Variants in FAM168B observed in about 807,000 individuals in gnomAD.
FAM168B encodes family with sequence similarity 168 member B.
FAM168B carries 19 observed loss-of-function variants against 21.8 expected under a neutral mutation model. That is an observed-to-expected ratio of 0.87 (90% CI 0.61 to 1.28). The LOEUF is 1.28. FAM168B is among the 50% of genes most tolerant of loss of function. The pLI is 0.00. For missense variants in FAM168B, 233 were observed against 263.1 expected, an observed-to-expected ratio of 0.89 and a Z score of 0.79; for synonymous variants, 126 against 104.8, an observed-to-expected ratio of 1.20 and a Z score of -1.24.
chr2:131,081,422 GAGTA>G (rs780234347), intron 2 of FAM168B, among the ~76,000 whole-genome samples: 3 of 152,164 alleles, frequency 2.0e-5, no homozygotes, highest in Non-Finnish European at 2.9e-5. Flanking sequence ...GGAGCCCCAG[GAGTA>G]ACCAAGCCTG....
At position 131,050,385 on chromosome 2, in the gene FAM168B, C is replaced by G; in HGVS notation, c.*2080G>C. The G allele has an allele frequency of 1.6e-5, 16 of 985,764 alleles. No individual in the cohort carries two copies. Among genetic ancestry groups the G allele is most frequent in the Non-Finnish European group, 1.9e-5 (16 of 829,936 alleles). The allele number at this position is 985,764 out of a possible 1,614,324, so 61.1% of individuals were successfully genotyped here. ...CTCTGCTACTTGGTCAGCTGAACCC[C>G]TGGAACCGTTAGAACCTACTAATCC... On this transcript the variant is annotated 3_prime_UTR_variant, in exon 7 of 7. Transcript: ENST00000389915.
chr2:131,071,028 TGGTCATATAG>T (rs1692845501), intron 3 of FAM168B, among the ~76,000 whole-genome samples: 1 of 151,900 alleles, frequency 6.6e-6, no homozygotes, highest in Non-Finnish European at 1.5e-5. Context: ...TGAACAAGGG[TGGTCATATAG>T]GGTCATAGTG....
intron 3 of FAM168B, among the ~76,000 whole-genome samples, chr2:131,056,800 T>A (rs1692045340): frequency 6.6e-6 from 1 of 152,074 alleles, no homozygotes; most frequent in South Asian, 2.1e-4. Flanking sequence ...AGCCACACCA[T>A]GTCAAAGGAG....
At position 131,062,636 on chromosome 2, in the gene FAM168B, C is replaced by A. The variant is rs116644208; in HGVS notation, c.155-6941G>T. Among the ~76,000 whole-genome samples, 1,341 of 152,214 alleles carry A rather than the reference C, an allele frequency of 8.8e-3. 17 individuals carry two copies. The highest frequency in any genetic ancestry group is 0.03 in the African/African-American group (1,263 of 41,506). On this transcript the variant is annotated intron_variant, in intron 3 of 6. Transcript: ENST00000389915. ...CTAATTTTTGTATTTTTAGTAGAGA[C>A]TGGATTCACCTATGTTGGCCAGGCT...
At chr2:131,068,650 A>C (rs575920812) in intron 3 of FAM168B, among the ~76,000 whole-genome samples, 53 of 152,210 alleles carry the variant, frequency 3.5e-4, no homozygotes, top group Non-Finnish European at 1.5e-4. Flanking sequence ...TTACAGGAAC[A>C]ATTTGAGAGC....
In FAM168B at chr2:131,048,596, C is replaced by A. The variant is rs975011468; in HGVS notation, c.*3869G>T. 1 of 1,094,486 alleles carries A rather than the reference C, an allele frequency of 9.1e-7. No individual in the cohort carries two copies. The highest frequency in any genetic ancestry group is 1.1e-6 in the Non-Finnish European group (1 of 891,078). The allele number at this position is 1,094,486 out of a possible 1,614,324, so 67.8% of individuals were successfully genotyped here. A position where few individuals can be genotyped will look rare whatever the true frequency, so the allele number is the denominator to read the frequency against. ...CCAAATAGGCCACATACCCCAACTT[C>A]TGTGTTACTTGGTCAGTTGAGCCCC... is the stretch of plus-strand genomic sequence containing the variant. On this transcript the variant is annotated 3_prime_UTR_variant, in exon 7 of 7. Transcript: ENST00000389915.
At chr2:131,059,114 CAG>C (rs1399636021) in intron 3 of FAM168B, among the ~76,000 whole-genome samples, 5 of 152,166 alleles carry the variant, frequency 3.3e-5, no homozygotes, top group African/African-American at 1.2e-4. Flanking sequence ...TGTACCAACA[CAG>C]AGAGGCTATT....
intron 3 of FAM168B, among the ~76,000 whole-genome samples, chr2:131,059,799 T>G (rs1692203181): frequency 6.6e-6 from 1 of 152,162 alleles, no homozygotes; most frequent in Admixed American, 6.5e-5. Context: ...TAAAAAAAAT[T>G]TTTAGGTGTG....
Position 131,055,783 on chromosome 2 carries a change from G to A in FAM168B, c.155-88C>T, listed in dbSNP as rs745406375. ...CAGGCAGGGAGGAGCTAAGCTGCGT[G>A]TCAGCCCCACGCAACTCGCCAGACC... On this transcript the variant is annotated intron_variant, in intron 3 of 6. Coordinates refer to ENST00000389915, the MANE Select transcript of FAM168B (RefSeq NM_001009993.4). 5.3e-6 allele frequency: 8 copies of A among 1,507,974 alleles called. No homozygotes were observed. In the Admixed American group the frequency reaches 6.2e-5, roughly 12 times the overall value. The allele number at this position is 1,507,974 out of a possible 1,614,324, so 93.4% of individuals were successfully genotyped here.
intron 1 of FAM168B, among the ~76,000 whole-genome samples, chr2:131,088,681 A>C (rs796279530): frequency 1.8e-4 from 27 of 152,336 alleles, no homozygotes; most frequent in African/African-American, 6.5e-4. Flanking sequence ...AAAATGATAC[A>C]TCTATACTTT....
At chr2:131,066,967 G>A (rs1355972450) in intron 3 of FAM168B, among the ~76,000 whole-genome samples, 3 of 152,190 alleles carry the variant, frequency 2.0e-5, no homozygotes, top group East Asian at 1.9e-4. Context: ...CAATCATGGT[G>A]GAAGGCAAAG....
intron 1 of FAM168B, among the ~76,000 whole-genome samples, chr2:131,089,053 G>A (rs1693869310): frequency 6.6e-6 from 1 of 150,376 alleles, no homozygotes; most frequent in Admixed American, 6.7e-5. Flanking sequence ...CGCAACTTCT[G>A]ACTCCCAGGT....
At position 131,050,304 on chromosome 2, in the gene FAM168B, T is replaced by C. The variant is rs1372078548; in HGVS notation, c.*2161A>G. 2.0e-6 allele frequency: 2 copies of C among 985,344 alleles called. No individual in the cohort carries two copies. Among genetic ancestry groups the C allele is most frequent in the East Asian group, 1.1e-4 (1 of 8,824 alleles). 61.0% of individuals were successfully genotyped at this position (985,344 alleles called of 1,614,324 possible). ...TGTGGGGCTTTTTAAAAGCATACAC[T>C]AACATTGTGAGTATTTTATCCTAAT... On this transcript the variant is annotated 3_prime_UTR_variant, in exon 7 of 7. Transcript: ENST00000389915.
In FAM168B at chr2:131,052,936, C is replaced by A. The variant is rs571727671; in HGVS notation, c.555G>T (p.Thr185=). Reference sequence around the variant, plus strand: ...GAGGGGGCACATAGCTGTAAGTGGGCGTTCCTGGGGCCCGGTACGTGGGCA... The same window carrying A: ...GAGGGGGCACATAGCTGTAAGTGGGAGTTCCTGGGGCCCGGTACGTGGGCA... ...VTVPTYRAPG[T]PTYSYVPPQW is the part of the protein sequence containing the mutation. The change falls in exon 6 of 7, where the codon ACG becomes ACT. Residue 185 remains threonine (T), a synonymous_variant. Transcript: ENST00000389915. 1.9e-6 allele frequency: 3 copies of A among 1,562,922 alleles called. No individual in the cohort carries two copies. In the African/African-American group the frequency reaches 4.1e-5, roughly 21 times the overall value.
At chr2:131,062,778 C>T (rs1329994870) in intron 3 of FAM168B, among the ~76,000 whole-genome samples, 2 of 152,204 alleles carry the variant, frequency 1.3e-5, no homozygotes, top group Non-Finnish European at 1.5e-5. Context: ...ACCTACTTTA[C>T]AGGTAGGCGT....
In FAM168B at chr2:131,048,548, T is replaced by C; in HGVS notation, c.*3917A>G. Reference sequence around the variant, plus strand: ...AATGAGTAGGAAAAAGAGACAAACTTTCTGAAACATGCAGTTTCCGACCCA... The same window carrying C: ...AATGAGTAGGAAAAAGAGACAAACTCTCTGAAACATGCAGTTTCCGACCCA... On this transcript the variant is annotated 3_prime_UTR_variant, in exon 7 of 7. Coordinates refer to ENST00000389915, the MANE Select transcript of FAM168B (RefSeq NM_001009993.4). The C allele has an allele frequency of 4.5e-6, 5 of 1,114,518 alleles. No homozygotes were observed. The highest frequency in any genetic ancestry group is 5.6e-6 in the Non-Finnish European group (5 of 897,418). 69.0% of individuals were successfully genotyped at this position (1,114,518 alleles called of 1,614,324 possible). A position where few individuals can be genotyped will look rare whatever the true frequency, so the allele number is the denominator to read the frequency against.
chr2:131,090,748 A>C (rs966720421), intron 1 of FAM168B, among the ~76,000 whole-genome samples: 5 of 152,108 alleles, frequency 3.3e-5, no homozygotes, highest in Admixed American at 6.5e-5. Context: ...TTTTTGTTTG[A>C]GATGGAGTCT....
rs1352443798 is a variant in FAM168B, at chr2:131,052,362, A to G, written c.*103T>C. 2 of 986,362 alleles carry G rather than the reference A, an allele frequency of 2.0e-6. No homozygotes were observed. Among genetic ancestry groups the G allele is most frequent in the Non-Finnish European group, 2.4e-6 (2 of 830,360 alleles). The allele number at this position is 986,362 out of a possible 1,614,324, so 61.1% of individuals were successfully genotyped here. On this transcript the variant is annotated 3_prime_UTR_variant, in exon 7 of 7. Coordinates refer to ENST00000389915, the MANE Select transcript of FAM168B (RefSeq NM_001009993.4). Reference sequence around the variant, plus strand: ...TCGTGTTTAGCTAAGTGTCGAGAGCATTAAGAAGAAAGTCCTGGTTGGAGG... The same window carrying G: ...TCGTGTTTAGCTAAGTGTCGAGAGCGTTAAGAAGAAAGTCCTGGTTGGAGG...
At chr2:131,063,666 T>C (rs1692416215) in intron 3 of FAM168B, among the ~76,000 whole-genome samples, 1 of 152,118 alleles carries the variant, frequency 6.6e-6, no homozygotes, top group Admixed American at 6.5e-5. Flanking sequence ...GTCTCAGCGA[T>C]TTAGGAGGCC....
Sources: allele counts gnomAD v4.1 joint callset (sites outside exome capture counted in the v4.1 genomes callset), GRCh38; gene constraint gnomAD v4.1.1; transcripts MANE v1.5; gene names NCBI Gene and HGNC (gene_info 2026-07-23, HGNC 2026-07-21).